DACT2: variants seen among roughly 807,000 people sequenced by gnomAD.
DACT2 encodes the protein dapper homolog 2.
DACT2 carries 20 observed loss-of-function variants against 22.2 expected under a neutral mutation model. The ratio of observed to expected loss-of-function variants is 0.90; its 90% confidence interval spans 0.63 to 1.31. DACT2 has a LOEUF of 1.31. Among genes scored for constraint, DACT2 ranks in the 50% most tolerant of loss-of-function variants. DACT2 has a pLI of 0.00. For synonymous variants in DACT2, 463 were observed against 479.8 expected, an observed-to-expected ratio of 0.96 and a Z score of 0.46; for missense variants, 1,048 against 1,061.4, an observed-to-expected ratio of 0.99 and a Z score of 0.18.
intron 3 of DACT2, among the ~76,000 whole-genome samples, 184 bp from the exon 4 acceptor site, chr6:168,309,282 G>A (rs142298255): frequency 1.3e-5 from 2 of 152,126 alleles, no homozygotes; most frequent in Non-Finnish European, 2.9e-5. Flanking sequence ...CAGGGCGCGG[G>A]GCAGACGGGA....
intron 4 of DACT2, chr6:168,294,587 A>ATATATATATATATATG: frequency 1.9e-6 from 1 of 535,758 alleles, no homozygotes; most frequent in Non-Finnish European, 2.7e-6. Context: ...GTATATATAT[A>ATATATATATATATATG]TATATATATA....
chr6:168,296,524 G>A (rs1779012348), intron 3 of DACT2, among the ~76,000 whole-genome samples: 3 of 148,216 alleles, frequency 2.0e-5, no homozygotes, highest in African/African-American at 7.9e-5. Flanking sequence ...CATCCACAGT[G>A]GTGAGAAGAT....
At chr6:168,293,870 C>T (rs376125666) in exon 6 of DACT2, 2 of 703,152 alleles carry the variant, frequency 2.8e-6, no homozygotes, top group Non-Finnish European at 5.2e-6. Context: ...GTCAATGCAG[C>T]CCCCAGCTTG....
chr6:168,311,129 G>A lies in DACT2; in HGVS notation c.379+23C>T, dbSNP rs1039556640. 8.6e-6 allele frequency: 13 copies of A among 1,506,952 alleles called. No homozygotes were observed. In the East Asian group the frequency reaches 1.3e-4, roughly 15 times the overall value. The allele number at this position is 1,506,952 out of a possible 1,614,324, so 93.3% of individuals were successfully genotyped here. On this transcript the variant is annotated intron_variant, in intron 2 of 3. Transcript: ENST00000366795. Reference sequence around the variant, plus strand: ...GTGCTGCGTGCCTGCCCCTGTGTCCGGGAGGTCAGGGCGCCCTGGTACCTG... The same window carrying A: ...GTGCTGCGTGCCTGCCCCTGTGTCCAGGAGGTCAGGGCGCCCTGGTACCTG...
downstream of DACT2, among the ~76,000 whole-genome samples, chr6:168,305,687 G>A (rs9456050): frequency 0.035 from 5,282 of 152,260 alleles, 288 homozygotes; most frequent in African/African-American, 0.12. Flanking sequence ...CGGGGCTGTC[G>A]TCACAGCCTC....
At position 168,308,828 on chromosome 6, in the gene DACT2, C is replaced by A; in HGVS notation, c.929G>T (p.Gly310Val). The change falls in exon 4 of 4, where the codon GGC becomes GTC. Residue 310 changes from glycine to valine, a missense_variant. By Grantham distance (109) the Gly-to-Val change is moderately radical. Coordinates refer to ENST00000366795, the MANE Select transcript of DACT2 (RefSeq NM_214462.5). ...GPSFPRESPRGPAGLNTIQTG... is the reference protein window; with the variant it reads ...GPSFPRESPRVPAGLNTIQTG... ...CTGGATGGTGTTCAGACCTGCGGGG[C>A]CCCTGGGGCTCTCCCTAGGGAACGA... 1.9e-6 allele frequency: 3 copies of A among 1,551,278 alleles called. No homozygotes were observed. The highest frequency in any genetic ancestry group is 2.6e-6 in the Non-Finnish European group (3 of 1,146,948).
At chr6:168,300,174 G>A (rs1779079454) in intron 3 of DACT2, 1 of 152,702 alleles carries the variant, frequency 6.5e-6, no homozygotes, top group Non-Finnish European at 1.5e-5. Flanking sequence ...ACGATGGCCA[G>A]TGCAGCCCTC....
In DACT2 at chr6:168,308,393, T is replaced by C. The variant is rs188181495; in HGVS notation, c.1364A>G (p.Tyr455Cys). 1.1e-3 allele frequency: 1,744 copies of C among 1,551,834 alleles called. 3 individuals are homozygous for C. Among genetic ancestry groups the C allele is most frequent in the Non-Finnish European group, 1.4e-3 (1,564 of 1,147,008 alleles). The part of the protein sequence containing the change: ...KAQQTPSAQD[Y>C]GRGNIISPSR... ...TGGGGATATGATGTTGCCTCGTCCA[T>C]AGTCCTGAGCTGAGGGTGTCTGCTG... The change falls in exon 4 of 4, where the codon TAT becomes TGT. Residue 455 changes from tyrosine (Y) to cysteine (C), a missense_variant. Coordinates refer to ENST00000366795, the MANE Select transcript of DACT2 (RefSeq NM_214462.5).
At chr6:168,297,053 T>C (rs567194810) in intron 3 of DACT2, among the ~76,000 whole-genome samples, 1 of 152,350 alleles carries the variant, frequency 6.6e-6, no homozygotes, top group Non-Finnish European at 1.5e-5. Context: ...AACCTCATTA[T>C]AAACTGAGAA....
At position 168,309,223 on chromosome 6, in the gene DACT2, G is replaced by A. The variant is rs940022782; in HGVS notation, c.659-125C>T. On this transcript the variant is annotated intron_variant, in intron 3 of 3. Transcript: ENST00000366795. ...ATTCACTGCTTCGAGGAACTCCTGG[G>A]TCCCATGGGAGACGGCGACTCACAG... 7.2e-6 allele frequency: 10 copies of A among 1,396,634 alleles called. No homozygotes were observed. In the African/African-American group the frequency reaches 1.5e-4, roughly 20 times the overall value. The allele number at this position is 1,396,634 out of a possible 1,614,324, so 86.5% of individuals were successfully genotyped here. A position where few individuals can be genotyped will look rare whatever the true frequency, so the allele number is the denominator to read the frequency against.
chr6:168,296,723 G>A (rs1262700008), intron 3 of DACT2, among the ~76,000 whole-genome samples: 1 of 152,254 alleles, frequency 6.6e-6, no homozygotes, highest in African/African-American at 2.4e-5. Context: ...AGGAATAGCT[G>A]TATAATAGCA....
At chr6:168,302,940 A>C (rs1447754935), downstream of DACT2, among the ~76,000 whole-genome samples, 1 of 152,228 alleles carries the variant, frequency 6.6e-6, no homozygotes, top group Admixed American at 6.5e-5. Context: ...CAACTATGCA[A>C]GTGATTGAAA....
Position 168,310,173 on chromosome 6 carries a change from G to A in DACT2, c.653C>T (p.Ser218Phe). ...CTTCCCTGGCAGTTTCTTACCTGTA[G>A]ACACAGGCCTGGGCCAGAATGTGCC... is the stretch of plus-strand genomic sequence containing the variant. ...PWGTFWPRPV[S>F]TGDLDRALPA... is the part of the protein sequence containing the mutation. The change falls in exon 3 of 4, where the codon TCT (serine) becomes TTT (phenylalanine). Residue 218 changes from serine to phenylalanine, a missense_variant. Coordinates refer to ENST00000366795, the MANE Select transcript of DACT2 (RefSeq NM_214462.5). 2 of 1,549,564 alleles carry A rather than the reference G, an allele frequency of 1.3e-6. No individual in the cohort carries two copies. Among genetic ancestry groups the A allele is most frequent in the Non-Finnish European group, 1.7e-6 (2 of 1,146,778 alleles).
At position 168,307,872 on chromosome 6, in the gene DACT2, G is replaced by A; in HGVS notation, c.1885C>T (p.Leu629=). Residue 629 remains leucine, a synonymous_variant, in exon 4 of 4, where the codon CTG becomes TTG. Transcript: ENST00000366795. This position sits in a 1 kb window ranked among gnomAD's most constrained non-coding sequence, Gnocchi z 5.3. ...ARLASCPESN[L]GPPRPVARRA... Reference sequence around the variant, plus strand: ...CTGGCCACGGGCCTGGGGGGCCCCAGGTTAGACTCAGGACAGCTGGCCAGG... The same window carrying A: ...CTGGCCACGGGCCTGGGGGGCCCCAAGTTAGACTCAGGACAGCTGGCCAGG... 6.5e-7 allele frequency: 1 copy of A among 1,539,844 alleles called. No homozygotes were observed. The highest frequency in any genetic ancestry group is 1.4e-5 in the African/African-American group (1 of 73,074).
Position 168,319,678 on chromosome 6 carries a change from G to T in DACT2, c.-45C>A. ...CCTCCCGAACCCCACGAGCGGCGCC[G>T]GAGGCCCAGCGCGCGCGGATCCCGA... is the stretch of plus-strand genomic sequence containing the variant. On this transcript the variant is annotated 5_prime_UTR_variant, in exon 1 of 4. Transcript: ENST00000366795. 1 of 1,205,704 alleles carries T rather than the reference G, an allele frequency of 8.3e-7. No homozygotes were observed. The highest frequency in any genetic ancestry group is 1.0e-6 in the Non-Finnish European group (1 of 969,954). The allele number at this position is 1,205,704 out of a possible 1,614,324, so 74.7% of individuals were successfully genotyped here. A position where few individuals can be genotyped will look rare whatever the true frequency, so the allele number is the denominator to read the frequency against.
chr6:168,312,550 T>G (rs1779447235), intron 1 of DACT2, among the ~76,000 whole-genome samples: 1 of 152,222 alleles, frequency 6.6e-6, no homozygotes, highest in Non-Finnish European at 1.5e-5. Flanking sequence ...CGCCTTCTCC[T>G]GGCCTCAGCT....
At position 168,308,040 on chromosome 6, in the gene DACT2, C is replaced by G; in HGVS notation, c.1717G>C (p.Val573Leu). 1 of 1,548,910 alleles carries G rather than the reference C, an allele frequency of 6.5e-7. No homozygotes were observed. Among genetic ancestry groups the G allele is most frequent in the Non-Finnish European group, 8.7e-7 (1 of 1,145,514 alleles). ...TCCTGCGGGGCCACTGCCAAGGGGACGAGGACAGGCATGGGGTAGAGGGTG... is the reference window on the plus strand; with the variant it reads ...TCCTGCGGGGCCACTGCCAAGGGGAGGAGGACAGGCATGGGGTAGAGGGTG... ...ESTLYPMPVL[V>L]PLAVAPQESH... Residue 573 changes from valine to leucine, a missense_variant, in exon 4 of 4, where the codon GTC (valine) becomes CTC (leucine). Transcript: ENST00000366795.
In DACT2 at chr6:168,309,198, A is replaced by C. The variant is rs552329007; in HGVS notation, c.659-100T>G. On this transcript the variant is annotated intron_variant, in intron 3 of 3. Transcript: ENST00000366795. The stretch of plus-strand genomic sequence containing the variant: ...GGCAGCTGGGATGGAAACGCTGCTC[A>C]TTCACTGCTTCGAGGAACTCCTGGG... The C allele has an allele frequency of 8.0e-5, 115 of 1,431,832 alleles. 1 individual carries two copies. The African/African-American group carries it at 1.3e-3, about 16-fold the overall frequency. The allele number at this position is 1,431,832 out of a possible 1,614,324, so 88.7% of individuals were successfully genotyped here.
intron 1 of DACT2, among the ~76,000 whole-genome samples, chr6:168,311,568 A>ACTC (rs1562498466): frequency 3.4e-5 from 5 of 146,100 alleles, no homozygotes; most frequent in African/African-American, 1.0e-4. Context: ...ACTCACACAC[A>ACTC]AACACACACA....
Sources: gnomAD v4.1 joint callset for allele counts (sites outside exome capture counted in the v4.1 genomes callset) on GRCh38, gnomAD v4.1.1 for gene constraint, Gnocchi (gnomAD v3.1) non-coding constraint, MANE v1.5 for transcripts, NCBI Gene and HGNC (gene_info 2026-07-23, HGNC 2026-07-21) for gene names.